EIF3I: variants seen among roughly 807,000 people sequenced by gnomAD.
The protein encoded by EIF3I is TGF-beta receptor-interacting protein 1.
Under a neutral mutation model 43.3 loss-of-function variants are expected in EIF3I, and 20 were observed. That is an observed-to-expected ratio of 0.46 (90% CI 0.32 to 0.67). The LOEUF (loss-of-function observed/expected upper bound fraction) is 0.67. EIF3I is among the 30% of genes least tolerant of loss of function. EIF3I has a pLI of 0.03. For missense variants in EIF3I, 279 were observed against 421.4 expected (o/e 0.66, Z 2.96); for synonymous variants, 167 against 151.7 (o/e 1.10, Z -0.74).
At chr1:32,228,572 C>T (rs1428819090) in exon 7 of EIF3I, 2 of 1,614,164 alleles carry the variant, frequency 1.2e-6, no homozygotes, top group South Asian at 2.2e-5. Context: ...AGGGACATGA[C>T]CATGTTTGTG....
chr1:32,226,112 T>C, intron 4 of EIF3I, 59 bp from the exon 5 acceptor site: 1 of 1,586,302 alleles, frequency 6.3e-7, no homozygotes, highest in Non-Finnish European at 8.6e-7. Flanking sequence ...TAGCATTCTC[T>C]AGAATGTCCT....
exon 5 of EIF3I, chr1:32,226,276 A>G: frequency 6.2e-7 from 1 of 1,614,136 alleles, no homozygotes; most frequent in Non-Finnish European, 8.5e-7. Flanking sequence ...ATGGGCTACC[A>G]GTGCTTTGTG....
In EIF3I at chr1:32,228,820, A is replaced by G; in HGVS notation, c.729+4A>G. On this transcript the variant is annotated splice_donor_region_variant and intron_variant, in intron 8 of 11. Transcript: ENST00000676679. The stretch of plus-strand genomic sequence containing the variant: ...CCTCTCCCCCAACTATGACCATGTA[A>G]GAGAACCCCACCTGCCTTCCTGCTG... 6.2e-7 allele frequency: 1 copy of G among 1,611,110 alleles called. No individual in the cohort carries two copies. The highest frequency in any genetic ancestry group is 1.1e-5 in the South Asian group (1 of 90,860).
At chr1:32,224,414 C>T in exon 4 of EIF3I, 2 of 1,613,646 alleles carry the variant, frequency 1.2e-6, no homozygotes, top group Non-Finnish European at 8.5e-7. Flanking sequence ...CTTCAGGGGA[C>T]ACCAAGCATG....
At chr1:32,226,218 G>A (rs750288369) in exon 5 of EIF3I, 6 of 1,614,028 alleles carry the variant, frequency 3.7e-6, no homozygotes, top group Middle Eastern at 1.6e-4. Flanking sequence ...CCGGACCTGC[G>A]GTTTTGACTT....
downstream of EIF3I, chr1:32,231,380 ACT>A: frequency 1.9e-6 from 1 of 518,846 alleles, no homozygotes; most frequent in Non-Finnish European, 3.4e-6. Flanking sequence ...AGTCCCAGCT[ACT>A]CAGGAGGCTG....
intron 3 of EIF3I, 112 bp downstream of exon 3, chr1:32,224,233 C>G: frequency 3.5e-6 from 4 of 1,155,326 alleles, no homozygotes; most frequent in Non-Finnish European, 5.2e-6. Context: ...AACGATACCT[C>G]CTACTCCCTG....
chr1:32,233,644 G>A (rs891475655), downstream of EIF3I, among the ~76,000 whole-genome samples: 1 of 152,116 alleles, frequency 6.6e-6, no homozygotes, highest in Non-Finnish European at 1.5e-5. Flanking sequence ...AGACTCAGAC[G>A]GGTTTGCTAT....
At chr1:32,228,458 G>T in intron 6 of EIF3I, 41 bp from the exon 7 acceptor site, 1 of 1,548,592 alleles carries the variant, frequency 6.5e-7, no homozygotes, top group South Asian at 1.1e-5. Context: ...GAGATTAGTA[G>T]GGATTGGGCC....
At chr1:32,232,916 A>G (rs1639259224), downstream of EIF3I, among the ~76,000 whole-genome samples, 1 of 152,220 alleles carries the variant, frequency 6.6e-6, no homozygotes, top group South Asian at 2.1e-4. Context: ...CTCATAAGAC[A>G]GCTGGCATCT....
At chr1:32,226,363 G>A in intron 5 of EIF3I, 40 bp from the exon 6 acceptor site, 1 of 1,613,400 alleles carries the variant, frequency 6.2e-7, no homozygotes, top group Non-Finnish European at 8.5e-7. Flanking sequence ...AAAGGGTACA[G>A]TTCTAGAGCC....
downstream of EIF3I, among the ~76,000 whole-genome samples, chr1:32,232,527 C>T (rs749832821): frequency 1.4e-4 from 21 of 152,110 alleles, no homozygotes; most frequent in Admixed American, 3.3e-4. Flanking sequence ...ATGGGGAGAA[C>T]GGCATGAGCC....
chr1:32,229,844 C>G (rs1639207745), intron 9 of EIF3I, among the ~76,000 whole-genome samples: 2 of 152,134 alleles, frequency 1.3e-5, no homozygotes, highest in Admixed American at 6.6e-5. Context: ...AGCCACTGTG[C>G]CCAGCCTTCA....
downstream of EIF3I, among the ~76,000 whole-genome samples, chr1:32,233,556 C>T (rs762960451): frequency 3.9e-5 from 6 of 152,174 alleles, no homozygotes; most frequent in South Asian, 2.1e-4. Context: ...TCCCAAAGTG[C>T]TGGGATTACA....
intron 9 of EIF3I, 149 bp downstream of exon 9, chr1:32,229,357 T>G: frequency 1.2e-5 from 9 of 744,814 alleles, no homozygotes; most frequent in African/African-American, 1.8e-5. Flanking sequence ...GCCTCCCGGG[T>G]TGACGCCATT....
At chr1:32,228,905 G>T (rs1639191214) in intron 8 of EIF3I, 89 bp downstream of exon 8, 1 of 1,216,092 alleles carries the variant, frequency 8.2e-7, no homozygotes, top group Non-Finnish European at 1.2e-6. Context: ...ACAACATTGT[G>T]GGGGAAATGA....
chr1:32,225,973 A>C (rs1362753806), intron 4 of EIF3I, among the ~76,000 whole-genome samples, 198 bp from the exon 5 acceptor site: 1 of 152,054 alleles, frequency 6.6e-6, no homozygotes, highest in African/African-American at 2.4e-5. Context: ...GTGAGAGCCG[A>C]GATTGCACCA....
At chr1:32,227,859 ACTC>A (rs1639171218) in intron 6 of EIF3I, among the ~76,000 whole-genome samples, 2 of 152,222 alleles carry the variant, frequency 1.3e-5, no homozygotes, top group South Asian at 4.1e-4. Flanking sequence ...ATAATGCTGA[ACTC>A]CTAGAACAAA....
At chr1:32,233,539 C>T (rs1019771359), downstream of EIF3I, among the ~76,000 whole-genome samples, 5 of 152,128 alleles carry the variant, frequency 3.3e-5, no homozygotes, top group Admixed American at 1.3e-4. Context: ...GACCTGCCTG[C>T]CTCAGCTCCC....
Sources: gnomAD v4.1 joint callset for allele counts (sites outside exome capture counted in the v4.1 genomes callset) on GRCh38, gnomAD v4.1.1 for gene constraint, MANE v1.5 for transcripts, NCBI Gene and HGNC (gene_info 2026-07-23, HGNC 2026-07-21) for gene names.